The following ZNF469 variants were observed in gnomAD, a reference collection of about 807,000 sequenced individuals.
ZNF469 encodes zinc finger protein 469.
In ZNF469, 1 loss-of-function variant was observed where a neutral mutation model predicts 1.0. The observed-to-expected ratio is 1.00, with a 90% CI of 0.35 to 4.73. ZNF469 has a LOEUF of 4.73. ZNF469 is among the 30% of genes most tolerant of loss of function. ZNF469 has a pLI of 0.16. For synonymous variants in ZNF469, 2,703 were observed against 2,363.4 expected (o/e 1.14, Z -4.17); for missense variants, 6,100 against 5,356.3 (o/e 1.14, Z -4.33).
chr16:88,263,500 CAGAG>C, the ZNF469 span, among the ~76,000 whole-genome samples: 16 of 152,268 alleles, frequency 1.1e-4, no homozygotes, highest in East Asian at 7.7e-4. Flanking sequence ...CCCAAGGAGA[CAGAG>C]GGAGGGGCAG....
the ZNF469 span, among the ~76,000 whole-genome samples, chr16:88,313,388 C>G: frequency 6.6e-6 from 1 of 152,218 alleles, no homozygotes; most frequent in Non-Finnish European, 1.5e-5. Context: ...AATTCTTTCT[C>G]TAGTCCAATT....
chr16:88,134,115 A>ATGAG, the ZNF469 span, among the ~76,000 whole-genome samples: 2 of 152,110 alleles, frequency 1.3e-5, no homozygotes, highest in African/African-American at 4.8e-5. Flanking sequence ...GAATGAATGA[A>ATGAG]TGAATGAATG....
the ZNF469 span, among the ~76,000 whole-genome samples, chr16:88,114,354 G>A: frequency 6.7e-6 from 1 of 148,634 alleles, no homozygotes; most frequent in Admixed American, 6.7e-5. Context: ...GGGGTCTCAG[G>A]GGAGAATGAC....
the ZNF469 span, among the ~76,000 whole-genome samples, chr16:88,129,000 T>A: frequency 1.3e-5 from 2 of 152,262 alleles, no homozygotes; most frequent in African/African-American, 4.8e-5. Context: ...GAAATACGCA[T>A]GTTTGCGTTG....
At chr16:88,400,263 T>TGGG in intron 1 of ZNF469, among the ~76,000 whole-genome samples, 1 of 152,282 alleles carries the variant, frequency 6.6e-6, no homozygotes, top group East Asian at 1.9e-4. Flanking sequence ...CTTTCTGCCC[T>TGGG]CCTTGGAGCC....
At chr16:88,119,350 C>T in the ZNF469 span, among the ~76,000 whole-genome samples, 1 of 152,204 alleles carries the variant, frequency 6.6e-6, no homozygotes, top group South Asian at 2.1e-4. Context: ...AGTGCAGAAG[C>T]CTGGCCGTCC....
At chr16:88,231,982 A>G in the ZNF469 span, among the ~76,000 whole-genome samples, 30 of 152,152 alleles carry the variant, frequency 2.0e-4, no homozygotes, top group East Asian at 2.7e-3. This position sits in a 1 kb window ranked among gnomAD's most constrained non-coding sequence, Gnocchi z 4.5. Context: ...CCCGGCCCCA[A>G]TCTCCCTGCT....
the ZNF469 span, among the ~76,000 whole-genome samples, chr16:88,170,089 G>A: frequency 6.6e-6 from 1 of 152,178 alleles, no homozygotes; most frequent in Admixed American, 6.5e-5. This position sits in a 1 kb window ranked among gnomAD's most constrained non-coding sequence, Gnocchi z 4.2. Flanking sequence ...GTGACTGTGG[G>A]TGAGTCACTT....
At chr16:88,202,486 G>A in the ZNF469 span, among the ~76,000 whole-genome samples, 4 of 152,304 alleles carry the variant, frequency 2.6e-5, no homozygotes, top group South Asian at 6.2e-4. Flanking sequence ...CCTCTCAGGT[G>A]CGCCCCTGAG....
At chr16:88,156,334 C>T in the ZNF469 span, among the ~76,000 whole-genome samples, 1 of 152,084 alleles carries the variant, frequency 6.6e-6, no homozygotes, top group Non-Finnish European at 1.5e-5. Context: ...AGATTAATAC[C>T]TTTGCTTTCT....
At chr16:88,156,891 A>G in the ZNF469 span, among the ~76,000 whole-genome samples, 126 of 152,150 alleles carry the variant, frequency 8.3e-4, no homozygotes, top group East Asian at 0.02. Context: ...GCCAGCAGGG[A>G]TGGAAATAAT....
the ZNF469 span, among the ~76,000 whole-genome samples, chr16:88,277,738 C>G: frequency 1.5e-5 from 1 of 68,450 alleles, no homozygotes; most frequent in Non-Finnish European, 3.2e-5. Flanking sequence ...ATGTAGATAT[C>G]ATTAGTGCTG....
chr16:88,163,496 G>C, the ZNF469 span, among the ~76,000 whole-genome samples: 1 of 89,066 alleles, frequency 1.1e-5, no homozygotes, highest in African/African-American at 3.4e-5. Context: ...AAGGATGGAT[G>C]AATGGATGGA....
chr16:88,276,555 C>T, the ZNF469 span: 1 of 152,278 alleles, frequency 6.6e-6, no homozygotes, highest in Non-Finnish European at 1.5e-5. Context: ...GAACACATCG[C>T]CACTGCCAGG....
chr16:88,126,968 C>A, the ZNF469 span, among the ~76,000 whole-genome samples: 1 of 152,070 alleles, frequency 6.6e-6, no homozygotes, highest in Admixed American at 6.5e-5. Flanking sequence ...TACAGTCACA[C>A]GCCACCACGC....
At chr16:88,127,580 G>A in the ZNF469 span, among the ~76,000 whole-genome samples, 3 of 152,234 alleles carry the variant, frequency 2.0e-5, no homozygotes, top group South Asian at 4.1e-4. Context: ...ATTCAGATAC[G>A]GCGAAACCAT....
chr16:88,298,696 C>T, the ZNF469 span, among the ~76,000 whole-genome samples: 4 of 152,132 alleles, frequency 2.6e-5, no homozygotes, highest in Middle Eastern at 3.2e-3. Context: ...GAAGGTCACA[C>T]CTCCCACCTT....
At chr16:88,412,011 G>A (rs914509408) in intron 1 of ZNF469, among the ~76,000 whole-genome samples, 24 of 152,288 alleles carry the variant, frequency 1.6e-4, no homozygotes, top group Non-Finnish European at 3.4e-4. Flanking sequence ...GGGGTCCCAA[G>A]ACCCTGTTGG....
chr16:88,434,948 G>A lies in ZNF469; in HGVS notation c.7478G>A (p.Arg2493Lys), dbSNP rs982705051. ...SGPGLSRHKA[R>K]KHRPHPGAPA... ...CCGGGCCTGAGCCGGCACAAGGCCA[G>A]GAAGCACCGGCCACACCCGGGAGCC... Residue 2493 changes from arginine to lysine, a missense_variant, in exon 3 of 3, where the codon AGG becomes AAG. By Grantham distance (26) the Arg-to-Lys change is conservative. Coordinates refer to ENST00000565624, the MANE Select transcript of ZNF469 (RefSeq NM_001367624.2). The A allele has an allele frequency of 7.7e-6, 12 of 1,549,994 alleles. No individual in the cohort carries two copies. Among genetic ancestry groups the A allele is most frequent in the Non-Finnish European group, 9.6e-6 (11 of 1,146,912 alleles).
Sources: allele counts gnomAD v4.1 joint callset (sites outside exome capture counted in the v4.1 genomes callset), GRCh38; gene constraint gnomAD v4.1.1; non-coding constraint Gnocchi (gnomAD v3.1); transcripts MANE v1.5; gene names NCBI Gene and HGNC (gene_info 2026-07-23, HGNC 2026-07-21).